RAP1A: variants seen among roughly 807,000 people sequenced by gnomAD.
The protein encoded by RAP1A is ras-related protein Rap-1A.
A neutral mutation model predicts 26.4 loss-of-function variants in RAP1A; 6 were observed. The observed-to-expected ratio is 0.23, with a 90% confidence interval of 0.12 to 0.45. The LOEUF is 0.45. Among genes scored for constraint, RAP1A ranks in the 20% least tolerant of loss-of-function variants. RAP1A has a pLI of 0.99. For synonymous variants in RAP1A, 73 were observed against 79.4 expected, an observed-to-expected ratio of 0.92 and a Z score of 0.43; for missense variants, 121 against 217.2, an observed-to-expected ratio of 0.56 and a Z score of 2.78.
Position 111,712,620 on chromosome 1 carries a change from A to G in RAP1A, c.*219A>G, listed in dbSNP as rs1571581517. 2 of 152,548 alleles carry G rather than the reference A, an allele frequency of 1.3e-5. No homozygotes were observed. The highest frequency in any genetic ancestry group is 2.9e-5 in the Non-Finnish European group (2 of 67,948). 9.4% of individuals were successfully genotyped at this position (152,548 alleles called of 1,614,324 possible). On this transcript the variant is annotated 3_prime_UTR_variant, in exon 8 of 8. Transcript: ENST00000369709. The stretch of plus-strand genomic sequence containing the variant: ...ATCTCTTGGAAAATAAGACAATAGT[A>G]TTTCTCCTTTGCAATAGCAGTTATA...
intron 1 of RAP1A, among the ~76,000 whole-genome samples, chr1:111,632,729 A>G (rs896259113): frequency 6.6e-6 from 1 of 151,854 alleles, no homozygotes; most frequent in Non-Finnish European, 1.5e-5. Flanking sequence ...CCTGACCAAC[A>G]TGGAGAAACC....
chr1:111,544,397 A>G (rs1379875555), intron 1 of RAP1A, among the ~76,000 whole-genome samples: 1 of 152,152 alleles, frequency 6.6e-6, no homozygotes, highest in African/African-American at 2.4e-5. Flanking sequence ...CTACCAATCT[A>G]CAATCTGTCT....
chr1:111,610,517 CTA>C (rs1658905423), intron 1 of RAP1A, among the ~76,000 whole-genome samples: 1 of 148,808 alleles, frequency 6.7e-6, no homozygotes, highest in Non-Finnish European at 1.5e-5. Flanking sequence ...TCCTATTCCA[CTA>C]CTTCCCTCCA....
chr1:111,584,909 G>A (rs1446315330), intron 1 of RAP1A, among the ~76,000 whole-genome samples: 1 of 152,124 alleles, frequency 6.6e-6, no homozygotes, highest in African/African-American at 2.4e-5. Flanking sequence ...CTCACTACAA[G>A]AGTCTGCAGC....
At chr1:111,607,583 G>A (rs1486813662) in intron 1 of RAP1A, among the ~76,000 whole-genome samples, 145 of 146,454 alleles carry the variant, frequency 9.9e-4, no homozygotes, top group African/African-American at 2.8e-3. Flanking sequence ...TTCCCAGTAG[G>A]GGCGGCTGGG....
chr1:111,576,575 A>G (rs367603839), intron 1 of RAP1A, among the ~76,000 whole-genome samples: 4 of 152,212 alleles, frequency 2.6e-5, no homozygotes, highest in East Asian at 3.8e-4. Context: ...GTTGAGTTGT[A>G]TTTAGTTCCT....
chr1:111,608,340 G>C (rs1159827929), intron 1 of RAP1A: 1 of 167,860 alleles, frequency 6.0e-6, no homozygotes, highest in Non-Finnish European at 1.3e-5. Context: ...TCCTAGATGG[G>C]ATGGCGACCG....
chr1:111,552,075 T>C, intron 1 of RAP1A, among the ~76,000 whole-genome samples: 1 of 152,254 alleles, frequency 6.6e-6, no homozygotes, highest in Non-Finnish European at 1.5e-5. Flanking sequence ...CTGTTATCCA[T>C]TGTCTCAGTA....
chr1:111,616,857 T>G (rs111603985), upstream of RAP1A, among the ~76,000 whole-genome samples: 25 of 152,168 alleles, frequency 1.6e-4, no homozygotes, highest in Non-Finnish European at 1.5e-4. Flanking sequence ...CTCTAGTCAC[T>G]TTTCCACTCT....
At chr1:111,676,084 T>C (rs1661114566) in intron 1 of RAP1A, among the ~76,000 whole-genome samples, 1 of 152,108 alleles carries the variant, frequency 6.6e-6, no homozygotes, top group African/African-American at 2.4e-5. Context: ...AGGCTGGGTA[T>C]GGTGGCTCAC....
intron 7 of RAP1A, among the ~76,000 whole-genome samples, chr1:111,711,878 C>G (rs540273291): frequency 1.3e-5 from 2 of 152,244 alleles, no homozygotes; most frequent in South Asian, 4.1e-4. Context: ...TTACCTGATT[C>G]TTGTCTGTTG....
intron 1 of RAP1A, among the ~76,000 whole-genome samples, chr1:111,558,355 T>C (rs1461957340): frequency 6.7e-6 from 1 of 149,050 alleles, no homozygotes; most frequent in Admixed American, 6.7e-5. Flanking sequence ...TTTTTCTATT[T>C]TTTTTTTTTT....
At chr1:111,620,057 G>C (rs1053643890) in intron 1 of RAP1A, 123 bp downstream of exon 1, 42 of 393,534 alleles carry the variant, frequency 1.1e-4, no homozygotes, top group African/African-American at 8.5e-4. Context: ...CCTCCTCCGC[G>C]TTCCATCGGT....
chr1:111,556,208 C>T (rs1410838768), intron 1 of RAP1A, among the ~76,000 whole-genome samples: 1 of 151,766 alleles, frequency 6.6e-6, no homozygotes, highest in African/African-American at 2.4e-5. Flanking sequence ...CAAATAAAAC[C>T]CACAATGAGA....
chr1:111,546,552 T>C (rs1395925931), intron 1 of RAP1A, among the ~76,000 whole-genome samples: 1 of 152,196 alleles, frequency 6.6e-6, no homozygotes, highest in African/African-American at 2.4e-5. Flanking sequence ...TTATTTCACT[T>C]AGCATAATGT....
At chr1:111,647,449 A>G (rs1660106280) in intron 1 of RAP1A, among the ~76,000 whole-genome samples, 1 of 152,180 alleles carries the variant, frequency 6.6e-6, no homozygotes, top group Non-Finnish European at 1.5e-5. Flanking sequence ...TCCTGAATCC[A>G]TCTCCCACGC....
intron 1 of RAP1A, among the ~76,000 whole-genome samples, chr1:111,563,665 A>G (rs1657835375): frequency 6.6e-6 from 1 of 152,220 alleles, no homozygotes; most frequent in African/African-American, 2.4e-5. Flanking sequence ...TTTCACGTAT[A>G]TTATGTCACA....
At chr1:111,603,767 G>T (rs1658715784) in intron 1 of RAP1A, among the ~76,000 whole-genome samples, 1 of 152,008 alleles carries the variant, frequency 6.6e-6, no homozygotes, top group Non-Finnish European at 1.5e-5. Context: ...TACTAAGGGG[G>T]TACTATCTAG....
chr1:111,639,085 T>C (rs1659813070), intron 1 of RAP1A, among the ~76,000 whole-genome samples: 2 of 9,012 alleles, frequency 2.2e-4, no homozygotes, highest in African/African-American at 1.3e-3. Context: ...TTGATTGAAG[T>C]ATTTTGGACT....
Sources: allele counts gnomAD v4.1 joint callset (sites outside exome capture counted in the v4.1 genomes callset), GRCh38; gene constraint gnomAD v4.1.1; transcripts MANE v1.5; gene names NCBI Gene and HGNC (gene_info 2026-07-23, HGNC 2026-07-21).